DBF4B: variants seen among roughly 807,000 people sequenced by gnomAD.
DBF4B encodes DBF4B-CDC7 kinase regulatory subunit.
A neutral mutation model predicts 53.4 loss-of-function variants in DBF4B; 49 were observed. That is an observed-to-expected ratio of 0.92 (90% CI 0.73 to 1.16). The LOEUF (loss-of-function observed/expected upper bound fraction) is 1.16. DBF4B is among the 50% of genes most tolerant of loss of function. DBF4B has a pLI of 0.00. For synonymous variants in DBF4B, 257 were observed against 288.7 expected (o/e 0.89, Z 1.11); for missense variants, 692 against 775.0 (o/e 0.89, Z 1.27).
Position 44,748,357 on chromosome 17 carries a change from G to C in DBF4B, c.1081G>C (p.Ala361Pro), listed in dbSNP as rs757750200. 6.2e-7 allele frequency: 1 copy of C among 1,603,376 alleles called. No individual in the cohort carries two copies. Among genetic ancestry groups the C allele is most frequent in the East Asian group, 2.2e-5 (1 of 44,814 alleles). ...AGLPRWSGSP[A>P]SDCDPLCPET... Reference sequence around the variant, plus strand: ...TCCCAACAGGTGGTCAGGTTCCCCAGCTTCTGATTGTGACCCTCTCTGTCC... The same window carrying C: ...TCCCAACAGGTGGTCAGGTTCCCCACCTTCTGATTGTGACCCTCTCTGTCC... Residue 361 changes from alanine to proline, a missense_variant, in exon 13 of 14, where the codon GCT (alanine) becomes CCT (proline). Physicochemically the swap from Ala to Pro is conservative, Grantham distance 27. This residue lies in a region of DBF4B where 597 missense variants were observed against 665.8 expected (regional missense o/e 0.90). Transcript: ENST00000315005.
intron 3 of DBF4B, among the ~76,000 whole-genome samples, chr17:44,728,606 T>A (rs1340499765): frequency 6.7e-6 from 1 of 149,842 alleles, no homozygotes; most frequent in African/African-American, 2.5e-5. Context: ...ATCACAAGGT[T>A]AAGAGATCGA....
At chr17:44,725,119 A>G (rs1974195806) in intron 3 of DBF4B, among the ~76,000 whole-genome samples, 1 of 150,330 alleles carries the variant, frequency 6.7e-6, no homozygotes, top group Admixed American at 6.6e-5. Flanking sequence ...TCCATCTCAA[A>G]AAAAAAAAAA....
At chr17:44,739,339 C>T (rs1432346426) in intron 9 of DBF4B, among the ~76,000 whole-genome samples, 1 of 152,198 alleles carries the variant, frequency 6.6e-6, no homozygotes. Context: ...CATGTGTATC[C>T]AGCAGAGACT....
chr17:44,733,337 C>G (rs1975030641), intron 6 of DBF4B, among the ~76,000 whole-genome samples: 2 of 152,314 alleles, frequency 1.3e-5, no homozygotes, highest in African/African-American at 2.4e-5. Context: ...TGTGGCCCAC[C>G]ACTCTCAGTT....
intron 10 of DBF4B, among the ~76,000 whole-genome samples, chr17:44,746,707 T>A (rs559723535): frequency 6.6e-6 from 1 of 151,534 alleles, no homozygotes; most frequent in African/African-American, 2.4e-5. Context: ...TAATCCCAGC[T>A]ACTCTGGAGG....
At chr17:44,717,647 T>C (rs987573025) in intron 2 of DBF4B, among the ~76,000 whole-genome samples, 6 of 149,150 alleles carry the variant, frequency 4.0e-5, no homozygotes, top group African/African-American at 1.5e-4. Context: ...AGGCAGAGGT[T>C]GGACTGAGCC....
At chr17:44,736,686 C>G (rs1975472538) in intron 7 of DBF4B, 144 bp from the exon 8 acceptor site, 1 of 822,270 alleles carries the variant, frequency 1.2e-6, no homozygotes, top group South Asian at 1.5e-5. Context: ...TGCTCCAGCT[C>G]AGGGCCTGAG....
At position 44,729,966 on chromosome 17, in the gene DBF4B, A is replaced by G; in HGVS notation, c.287A>G (p.Lys96Arg). ...SYIVSSRREVKAESSGKSHRG... is the reference protein window; with the variant it reads ...SYIVSSRREVRAESSGKSHRG... ...ATCGTGTCCAGCCGCAGAGAAGTAA[A>G]GGCAGAGAGCAGTGGGAAAAGCCAT... The change falls in exon 4 of 14, where the codon AAG becomes AGG. Residue 96 changes from lysine (K) to arginine (R), a missense_variant. By Grantham distance (26) the Lys-to-Arg change is conservative. This residue lies in a region of DBF4B where 597 missense variants were observed against 665.8 expected (regional missense o/e 0.90). Transcript: ENST00000315005. 6.2e-7 allele frequency: 1 copy of G among 1,614,102 alleles called. No individual in the cohort carries two copies. Among genetic ancestry groups the G allele is most frequent in the Non-Finnish European group, 8.5e-7 (1 of 1,180,028 alleles).
chr17:44,717,482 G>A (rs1973427009), intron 2 of DBF4B, among the ~76,000 whole-genome samples: 1 of 149,450 alleles, frequency 6.7e-6, no homozygotes, highest in Non-Finnish European at 1.5e-5. Context: ...CAAGGCAGGG[G>A]AATCATTTGA....
intron 7 of DBF4B, among the ~76,000 whole-genome samples, chr17:44,735,194 A>G (rs1011207605): frequency 6.6e-6 from 1 of 152,188 alleles, no homozygotes; most frequent in African/African-American, 2.4e-5. Context: ...CTGCTGTTAA[A>G]TTTGTGTTAT....
intron 10 of DBF4B, among the ~76,000 whole-genome samples, chr17:44,745,832 G>A (rs148608803): frequency 1.3e-5 from 2 of 152,264 alleles, no homozygotes; most frequent in Non-Finnish European, 2.9e-5. Context: ...TAAAAGGAGT[G>A]TTTTGGACTT....
intron 2 of DBF4B, among the ~76,000 whole-genome samples, chr17:44,721,183 T>C (rs1237075490): frequency 6.6e-6 from 1 of 151,776 alleles, no homozygotes; most frequent in African/African-American, 2.4e-5. Flanking sequence ...AAAAATACTA[T>C]GTTTTTCATG....
intron 9 of DBF4B, 125 bp from the exon 10 acceptor site, chr17:44,741,211 A>C: frequency 1.4e-6 from 1 of 705,568 alleles, no homozygotes; most frequent in Non-Finnish European, 2.6e-6. Flanking sequence ...TTGTTATAGA[A>C]TTTAAAAGAT....
intron 10 of DBF4B, among the ~76,000 whole-genome samples, chr17:44,746,569 A>G (rs1976617773): frequency 6.6e-6 from 1 of 152,170 alleles, no homozygotes; most frequent in South Asian, 2.1e-4. Context: ...CTGTAATCCC[A>G]GCACTTTGGG....
chr17:44,708,964 T>G, intron 1 of DBF4B, 125 bp downstream of exon 1: 1 of 1,364,978 alleles, frequency 7.3e-7, no homozygotes, highest in Non-Finnish European at 1.0e-6. Flanking sequence ...GAGGAGGGTA[T>G]AGGGGCCGGG....
rs35283445 is a variant in DBF4B at position 44,736,838 on chromosome 17, TC to T, written c.641del (p.Pro214GlnfsTer13). 2.5e-6 allele frequency: 4 copies of T among 1,613,964 alleles called. No individual in the cohort carries two copies. The Admixed American group carries it at 5.0e-5, about 20-fold the overall frequency. ...QQPKKPEGTC[P>X]AAESRTRKVA... ...TTTTCCTTTCCATTTAGGGAACATG[TC>T]CAGCAGCAGAGTCAAGAACACGGAA... On this transcript the variant is annotated frameshift_variant, in exon 8 of 14. Coordinates refer to ENST00000315005, the MANE Select transcript of DBF4B (RefSeq NM_145663.3). LOFTEE classifies it high-confidence loss of function.
At chr17:44,736,512 G>A (rs1975449766) in intron 7 of DBF4B, among the ~76,000 whole-genome samples, 1 of 152,160 alleles carries the variant, frequency 6.6e-6, no homozygotes, top group Non-Finnish European at 1.5e-5. Flanking sequence ...TCTTCACATT[G>A]CAGGTGGCAG....
chr17:44,710,971 GTTTGATTTTTT>G (rs1972815780), intron 2 of DBF4B, among the ~76,000 whole-genome samples: 1 of 128,378 alleles, frequency 7.8e-6, no homozygotes, highest in Admixed American at 9.3e-5. Context: ...TTTTATTCCA[GTTTGATTTTTT>G]TTTTTTTTTT....
chr17:44,752,240 C>T lies in DBF4B; in HGVS notation c.*987C>T. 2.1e-6 allele frequency: 1 copy of T among 480,398 alleles called. No individual in the cohort carries two copies. 29.8% of individuals were successfully genotyped at this position (480,398 alleles called of 1,614,324 possible). On this transcript the variant is annotated 3_prime_UTR_variant, in exon 14 of 14. Coordinates refer to ENST00000315005, the MANE Select transcript of DBF4B (RefSeq NM_145663.3). ...GATGAGATGATTTCAGGACCCTTTC[C>T]AATAATAAAATACTGTGACTGCCAG... is the stretch of plus-strand genomic sequence containing the variant.
Sources: gnomAD v4.1 joint callset for allele counts (sites outside exome capture counted in the v4.1 genomes callset) on GRCh38, gnomAD v4.1.1 for gene constraint, gnomAD v4.1.1 regional missense constraint, MANE v1.5 for transcripts, NCBI Gene and HGNC (gene_info 2026-07-23, HGNC 2026-07-21) for gene names.